Variants in COL4A1 observed in about 807,000 individuals in gnomAD.
COL4A1 encodes collagen alpha-1(IV) chain.
A neutral mutation model predicts 216.6 loss-of-function variants in COL4A1; 40 were observed. That is an observed-to-expected ratio of 0.18 (90% CI 0.14 to 0.24). COL4A1 has a LOEUF of 0.24. COL4A1 is among the 10% of genes least tolerant of loss of function. COL4A1 has a pLI of 1.00. For synonymous variants in COL4A1, 839 were observed against 810.7 expected (o/e 1.03, Z -0.59); for missense variants, 1,628 against 2,196.8 (o/e 0.74, Z 5.18).
intron 15 of COL4A1, among the ~76,000 whole-genome samples, 154 bp from the exon 16 acceptor site, chr13:110,205,692 G>A (rs574403702): frequency 3.0e-4 from 46 of 152,078 alleles, no homozygotes; most frequent in East Asian, 7.7e-4. Context: ...GCGAAATCCC[G>A]TCTCCACTAA....
rs1025847262 is a variant in COL4A1 at position 110,155,274 on chromosome 13, G to A, written c.4755+9C>T. ...TCCCGGGAAATATGGCGTCTCCCCA[G>A]ACACTTACCATCACAAAAGAGTAGC... On this transcript the variant is annotated intron_variant, in intron 50 of 51. Transcript: ENST00000375820. The A allele has an allele frequency of 3.1e-6, 5 of 1,603,928 alleles. No homozygotes were observed. The highest frequency in any genetic ancestry group is 4.3e-6 in the Non-Finnish European group (5 of 1,170,726).
At chr13:110,262,018 T>C (rs1319909149) in intron 1 of COL4A1, among the ~76,000 whole-genome samples, 1 of 152,170 alleles carries the variant, frequency 6.6e-6, no homozygotes, top group Non-Finnish European at 1.5e-5. Context: ...AAAGGGAATT[T>C]AGAAACATGC....
At chr13:110,203,243 A>T (rs1879328200) in intron 18 of COL4A1, among the ~76,000 whole-genome samples, 2 of 152,230 alleles carry the variant, frequency 1.3e-5, no homozygotes, top group African/African-American at 4.8e-5. Context: ...TATGTTGCTA[A>T]TATTCTCATT....
intron 1 of COL4A1, among the ~76,000 whole-genome samples, chr13:110,288,562 C>A (rs536156561): frequency 2.6e-5 from 4 of 152,130 alleles, no homozygotes; most frequent in African/African-American, 9.7e-5. Flanking sequence ...TTTCTTTGCA[C>A]AGACAAAAAT....
chr13:110,267,300 C>T (rs1341288968), intron 1 of COL4A1, among the ~76,000 whole-genome samples: 3 of 152,166 alleles, frequency 2.0e-5, no homozygotes, highest in African/African-American at 7.2e-5. Context: ...GCTACGCACA[C>T]TTTCAGCACC....
chr13:110,299,866 C>G (rs1030398572), intron 1 of COL4A1, among the ~76,000 whole-genome samples: 3 of 152,148 alleles, frequency 2.0e-5, no homozygotes, highest in Admixed American at 2.0e-4. Context: ...TTAAAAAACT[C>G]TAAAATGCAA....
At chr13:110,284,557 C>T (rs1004079038) in intron 1 of COL4A1, among the ~76,000 whole-genome samples, 1 of 152,180 alleles carries the variant, frequency 6.6e-6, no homozygotes. Context: ...TCATTTTTCA[C>T]CGATTTTTGT....
intron 49 of COL4A1, 113 bp downstream of exon 49, chr13:110,161,079 G>A (rs902329513): frequency 1.8e-6 from 2 of 1,102,756 alleles, no homozygotes; most frequent in Admixed American, 2.0e-5. Context: ...CAAATAATAA[G>A]CTAAATGGCA....
chr13:110,283,557 C>T (rs959687353), intron 1 of COL4A1, among the ~76,000 whole-genome samples: 8 of 152,212 alleles, frequency 5.3e-5, no homozygotes, highest in Non-Finnish European at 1.0e-4. Context: ...TCTGTGTATA[C>T]AGACATCTGC....
Position 110,175,229 on chromosome 13 carries a change from G to A in COL4A1, c.3187C>T (p.Arg1063Ter), listed in dbSNP as rs1877827904. ...GPPGIGIPGL[R>*]GEKGDQGIAG... ...AGAGCGCTGGTTACCTTTTCACCTCGCAGCCCTGGGATGCCTATGCCAGGT... is the reference window on the plus strand; with the variant it reads ...AGAGCGCTGGTTACCTTTTCACCTCACAGCCCTGGGATGCCTATGCCAGGT... Residue 1063 changes from arginine (R) to a stop codon, truncating the protein, a stop_gained, in exon 37 of 52, where the codon CGA (arginine) becomes TGA (stop). Transcript: ENST00000375820. LOFTEE classifies it high-confidence loss of function. 2 of 1,614,080 alleles carry A rather than the reference G, an allele frequency of 1.2e-6. No homozygotes were observed. The highest frequency in any genetic ancestry group is 1.6e-4 in the Middle Eastern group (1 of 6,082).
chr13:110,181,458 T>C (rs1878150643), intron 28 of COL4A1, 69 bp from the exon 29 acceptor site: 1 of 1,424,608 alleles, frequency 7.0e-7, no homozygotes, highest in Non-Finnish European at 9.7e-7. Flanking sequence ...TTCCCCACTT[T>C]CTTCACTTTT....
intron 50 of COL4A1, among the ~76,000 whole-genome samples, chr13:110,154,627 A>G (rs1350058741): frequency 1.7e-4 from 26 of 152,258 alleles, no homozygotes; most frequent in Admixed American, 1.7e-3. Flanking sequence ...AGCTGCTCAT[A>G]TAGAGAAACC....
chr13:110,285,869 A>G (rs530716867), intron 1 of COL4A1, among the ~76,000 whole-genome samples: 8 of 152,214 alleles, frequency 5.3e-5, no homozygotes, highest in African/African-American at 1.9e-4. Context: ...ATAAATCCTT[A>G]TATCTCTATA....
intron 17 of COL4A1, among the ~76,000 whole-genome samples, chr13:110,205,147 T>G (rs1419195582): frequency 6.6e-6 from 1 of 152,210 alleles, no homozygotes. Context: ...ATATAAAAAT[T>G]TGAATGAATG....
intron 35 of COL4A1, 52 bp from the exon 36 acceptor site, chr13:110,176,565 G>C (rs1163129607): frequency 6.3e-7 from 1 of 1,590,180 alleles, no homozygotes; most frequent in East Asian, 2.2e-5. Context: ...AGAAAGAGCT[G>C]GGGAACACAG....
At chr13:110,164,494 G>C (rs1816883) in intron 46 of COL4A1, among the ~76,000 whole-genome samples, 1,750 of 152,266 alleles carry the variant, frequency 0.011, 31 homozygotes, top group African/African-American at 0.04. Context: ...AGCGCTCCTG[G>C]GGGCATGGAT....
chr13:110,291,340 G>C (rs1385879852), intron 1 of COL4A1, among the ~76,000 whole-genome samples: 7 of 152,212 alleles, frequency 4.6e-5, no homozygotes, highest in Admixed American at 2.6e-4. Flanking sequence ...GCAACTAGGA[G>C]GCAATGGCGA....
chr13:110,169,877 A>C, intron 42 of COL4A1, 115 bp from the exon 43 acceptor site: 1 of 1,417,446 alleles, frequency 7.1e-7, no homozygotes, highest in South Asian at 1.1e-5. Context: ...CACTGGACCA[A>C]CAGTGACAAC....
intron 1 of COL4A1, among the ~76,000 whole-genome samples, chr13:110,244,366 T>G (rs1034556112): frequency 1.3e-5 from 2 of 152,070 alleles, no homozygotes; most frequent in African/African-American, 2.4e-5. Flanking sequence ...TAGGTCTGTG[T>G]TTTTCTCTGA....
Sources: allele counts gnomAD v4.1 joint callset (sites outside exome capture counted in the v4.1 genomes callset), GRCh38; gene constraint gnomAD v4.1.1; transcripts MANE v1.5; gene names NCBI Gene and HGNC (gene_info 2026-07-23, HGNC 2026-07-21).